Variants in PLAGL1 observed in about 807,000 individuals in gnomAD.
PLAGL1 encodes the protein zinc finger protein PLAGL1.
In PLAGL1, 1 loss-of-function variant was observed where a neutral mutation model predicts 4.6. That is an observed-to-expected ratio of 0.22 (90% CI 0.08 to 1.03). PLAGL1 has a LOEUF of 1.03. Ranked by LOEUF, PLAGL1 falls within the 50% of genes least tolerant of loss-of-function variation. PLAGL1 has a pLI of 0.58. For synonymous variants in PLAGL1, 240 were observed against 237.8 expected (o/e 1.01, Z -0.08); for missense variants, 464 against 570.4 (o/e 0.81, Z 1.90).
chr6:143,965,058 A>G lies in PLAGL1; in HGVS notation c.-430-240T>C, dbSNP rs1336612854. 6.6e-6 allele frequency: 1 copy of G among 152,170 alleles called. No individual in the cohort carries two copies. Among genetic ancestry groups the G allele is most frequent in the African/African-American group, 2.4e-5 (1 of 41,444 alleles). 9.4% of individuals were successfully genotyped at this position (152,170 alleles called of 1,614,324 possible). ...GATGGCTGATTTCCATAAGATGGAA[A>G]TGATTGCATGCTGGAAACTGAGATG... On this transcript the variant is annotated intron_variant, in intron 4 of 7. Coordinates refer to ENST00000674357, the MANE Select transcript of PLAGL1 (RefSeq NM_001317162.2). This position sits in a 1 kb window ranked among gnomAD's most constrained non-coding sequence, Gnocchi z 7.5.
At position 143,965,157 on chromosome 6, in the gene PLAGL1, G is replaced by C. The variant is rs1009492188; in HGVS notation, c.-430-339C>G. ...AATGTGTCAAATTTGTTGACTGTAA[G>C]ATGTTGTAGTAATGGTCAGTACTTG... is the stretch of plus-strand genomic sequence containing the variant. On this transcript the variant is annotated intron_variant, in intron 4 of 7. Coordinates refer to ENST00000674357, the MANE Select transcript of PLAGL1 (RefSeq NM_001317162.2). This position sits in a 1 kb window ranked among gnomAD's most constrained non-coding sequence, Gnocchi z 7.5. 6 of 152,222 alleles carry C rather than the reference G, an allele frequency of 3.9e-5. No homozygotes were observed. The highest frequency in any genetic ancestry group is 5.9e-5 in the Non-Finnish European group (4 of 68,052). The allele number at this position is 152,222 out of a possible 1,614,324, so 9.4% of individuals were successfully genotyped here. A position where few individuals can be genotyped will look rare whatever the true frequency, so the allele number is the denominator to read the frequency against.
intron 1 of PLAGL1, among the ~76,000 whole-genome samples, chr6:144,019,201 A>T (rs1795786896): frequency 6.6e-6 from 1 of 152,200 alleles, no homozygotes; most frequent in Admixed American, 6.5e-5. Context: ...AAGGCCAGGC[A>T]CTGTGGCTCA....
At position 144,034,573 on chromosome 6, in the gene PLAGL1, C is replaced by T. The variant is rs895777683; in HGVS notation, c.-151+29895G>A. ...AAGGAAGTGTGCAGCTAATTCAGTC[C>T]TCCAGCAAAGAAAAGTGGGAGGCCC... On this transcript the variant is annotated intron_variant, in intron 1 of 3. Transcript: ENST00000437412. The surrounding 1 kb of genome is among the most constrained non-coding windows in gnomAD (Gnocchi z 4.7). 2.0e-5 allele frequency among the ~76,000 whole-genome samples: 3 copies of T among 152,132 alleles called. No individual in the cohort carries two copies. The highest frequency in any genetic ancestry group is 4.4e-5 in the Non-Finnish European group (3 of 68,026).
intron 1 of PLAGL1, among the ~76,000 whole-genome samples, chr6:144,041,517 CT>C (rs1349425997): frequency 1.3e-5 from 2 of 152,082 alleles, no homozygotes; most frequent in African/African-American, 2.4e-5. Context: ...TGAACTCATC[CT>C]TTTTTATGGC....
At chr6:144,052,518 C>T (rs1429912830) in intron 1 of PLAGL1, among the ~76,000 whole-genome samples, 1 of 152,184 alleles carries the variant, frequency 6.6e-6, no homozygotes, top group African/African-American at 2.4e-5. Flanking sequence ...TAGCACTCTA[C>T]TCCCAGAGCC....
chr6:143,943,816 GA>G, intron 7 of PLAGL1, among the ~76,000 whole-genome samples: 1 of 152,276 alleles, frequency 6.6e-6, no homozygotes, highest in African/African-American at 2.4e-5. Context: ...TTATATTTGT[GA>G]AGCAGAAATT....
In PLAGL1 at chr6:143,945,265, C is replaced by G. The variant is rs1779512301; in HGVS notation, c.153-2602G>C. 6.6e-6 allele frequency among the ~76,000 whole-genome samples: 1 copy of G among 152,092 alleles called. No homozygotes were observed. Among genetic ancestry groups the G allele is most frequent in the Admixed American group, 6.5e-5 (1 of 15,278 alleles). ...CTTTAGTATGTCCTAGAGTCAGTAC[C>G]CAATGCCACCATCTTTGGGTATCAT... On this transcript the variant is annotated intron_variant, in intron 7 of 7. Coordinates refer to ENST00000674357, the MANE Select transcript of PLAGL1 (RefSeq NM_001317162.2). This position sits in a 1 kb window ranked among gnomAD's most constrained non-coding sequence, Gnocchi z 4.2.
At chr6:144,023,978 T>C (rs964997502) in intron 1 of PLAGL1, among the ~76,000 whole-genome samples, 16 of 152,162 alleles carry the variant, frequency 1.1e-4, no homozygotes, top group African/African-American at 3.4e-4. Flanking sequence ...GGTTTCACCA[T>C]GTTGACCAGA....
In PLAGL1 at chr6:143,985,449, C is replaced by T. The variant is rs980022950; in HGVS notation, c.-583-275G>A. 1.3e-5 allele frequency among the ~76,000 whole-genome samples: 2 copies of T among 152,076 alleles called. No individual in the cohort carries two copies. Among genetic ancestry groups the T allele is most frequent in the African/African-American group, 2.4e-5 (1 of 41,410 alleles). On this transcript the variant is annotated intron_variant, in intron 1 of 7. Coordinates refer to ENST00000674357, the MANE Select transcript of PLAGL1 (RefSeq NM_001317162.2). The surrounding 1 kb of genome is among the most constrained non-coding windows in gnomAD (Gnocchi z 4.4). ...GTAGGCTCACATATCTACCACTAGT[C>T]AAAATATTGAACAGTTCCATCACAA...
At chr6:144,047,699 C>T (rs563393826) in intron 1 of PLAGL1, among the ~76,000 whole-genome samples, 9 of 152,256 alleles carry the variant, frequency 5.9e-5, no homozygotes, top group South Asian at 2.1e-4. Flanking sequence ...TCCCTCAACA[C>T]GTGGGGATTG....
Position 143,948,014 on chromosome 6 carries a change from T to TTTTGGC in PLAGL1, c.122_123insGCCAAA (p.Lys41_Ala42insProLys). 2 of 1,614,096 alleles carry TTTTGGC rather than the reference T, an allele frequency of 1.2e-6. No individual in the cohort carries two copies. Among genetic ancestry groups the TTTTGGC allele is most frequent in the Non-Finnish European group, 1.7e-6 (2 of 1,179,950 alleles). On this transcript the variant is annotated inframe_insertion, in exon 7 of 8. Coordinates refer to ENST00000674357, the MANE Select transcript of PLAGL1 (RefSeq NM_001317162.2). The surrounding 1 kb of genome is among the most constrained non-coding windows in gnomAD (Gnocchi z 6.0). ...TCAATTTATATCTGGAAACAAAGGC[T>TTTTGGC]TTGCCACAGTCAGGCTGCACACACT...
upstream of PLAGL1, among the ~76,000 whole-genome samples, chr6:144,011,127 C>T (rs915337188): frequency 1.1e-4 from 17 of 152,136 alleles, no homozygotes; most frequent in Non-Finnish European, 2.1e-4. This position sits in a 1 kb window ranked among gnomAD's most constrained non-coding sequence, Gnocchi z 4.3. Context: ...AACTAAAGAG[C>T]TTCTGCACAC....
rs200316542 is a variant in PLAGL1 at position 144,025,823 on chromosome 6, G to A, written c.-151+38645C>T. Among the ~76,000 whole-genome samples, 8 of 152,208 alleles carry A rather than the reference G, an allele frequency of 5.3e-5. No individual in the cohort carries two copies. The East Asian group carries it at 1.4e-3, about 26-fold the overall frequency. On this transcript the variant is annotated intron_variant, in intron 1 of 3. Coordinates refer to the PLAGL1 transcript ENST00000437412. ...CAGGAGAATCGCTTGAACCCGGGAG[G>A]TGGAGGTTGCAGTGAGCCGAGATCA... is the stretch of plus-strand genomic sequence containing the variant.
chr6:144,024,629 A>C (rs1391370641), intron 1 of PLAGL1, among the ~76,000 whole-genome samples: 1 of 152,210 alleles, frequency 6.6e-6, no homozygotes, highest in African/African-American at 2.4e-5. Flanking sequence ...AAGTAGTCTT[A>C]GGTATGTCTT....
intron 1 of PLAGL1, among the ~76,000 whole-genome samples, chr6:144,026,514 G>A (rs996855975): frequency 6.6e-6 from 1 of 152,110 alleles, no homozygotes; most frequent in East Asian, 1.9e-4. Context: ...AGTTAAGATA[G>A]TCATCCCTGG....
At chr6:144,030,590 T>C (rs867515143) in intron 1 of PLAGL1, among the ~76,000 whole-genome samples, 2 of 152,222 alleles carry the variant, frequency 1.3e-5, no homozygotes, top group Non-Finnish European at 2.9e-5. Flanking sequence ...AGTGAGAACA[T>C]ACGATGTTTG....
rs764393369 is a variant in PLAGL1 at position 143,990,119 on chromosome 6, A to AT, written c.-583-4946dup. ...ACATACTATGCTCTGATATTCCCCA[A>AT]TTTTTTTTTTTTTCTTTTTTGAGAT... On this transcript the variant is annotated intron_variant, in intron 1 of 7. Coordinates refer to ENST00000674357, the MANE Select transcript of PLAGL1 (RefSeq NM_001317162.2). This position sits in a 1 kb window ranked among gnomAD's most constrained non-coding sequence, Gnocchi z 5.4. Among the ~76,000 whole-genome samples the AT allele has an allele frequency of 3.0e-3, 437 of 144,206 alleles. 1 individual carries two copies. The highest frequency in any genetic ancestry group is 6.8e-3 in the South Asian group (31 of 4,546). The allele number at this position is 144,206 out of a possible 152,430, so 94.6% of individuals were successfully genotyped here.
chr6:144,059,118 T>C lies in PLAGL1; in HGVS notation c.-151+5350A>G, dbSNP rs1799204661. On this transcript the variant is annotated intron_variant, in intron 1 of 3. Transcript: ENST00000437412. This position sits in a 1 kb window ranked among gnomAD's most constrained non-coding sequence, Gnocchi z 4.9. ...TACACTCAGGCTTTCTGATATGTCA[T>C]TGGAAATATAGGTGGAAGCTGCCAA... 1.3e-5 allele frequency among the ~76,000 whole-genome samples: 2 copies of C among 152,228 alleles called. No homozygotes were observed. The highest frequency in any genetic ancestry group is 4.8e-5 in the African/African-American group (2 of 41,454).
rs942601645 is a variant in PLAGL1 at position 143,955,478 on chromosome 6, A to C, written c.-325+4991T>G. 1.6e-4 allele frequency among the ~76,000 whole-genome samples: 24 copies of C among 152,132 alleles called. No individual in the cohort carries two copies. Among genetic ancestry groups the C allele is most frequent in the Admixed American group, 3.3e-4 (5 of 15,268 alleles). ...GCCACAAACTCTTGAATTTATGTGGAGATGCAGTGAGGAGGGCGGGAAGAG... is the reference window on the plus strand; with the variant it reads ...GCCACAAACTCTTGAATTTATGTGGCGATGCAGTGAGGAGGGCGGGAAGAG... On this transcript the variant is annotated intron_variant, in intron 6 of 7. Transcript: ENST00000674357. The surrounding 1 kb of genome is among the most constrained non-coding windows in gnomAD (Gnocchi z 4.9).
Sources: gnomAD v4.1 joint callset for allele counts (sites outside exome capture counted in the v4.1 genomes callset) on GRCh38, gnomAD v4.1.1 for gene constraint, Gnocchi (gnomAD v3.1) non-coding constraint, MANE v1.5 for transcripts, NCBI Gene and HGNC (gene_info 2026-07-23, HGNC 2026-07-21) for gene names.